Variants in MDGA2 observed in about 807,000 individuals in gnomAD.
MDGA2 encodes MAM domain-containing glycosylphosphatidylinositol anchor protein 2.
Under a neutral mutation model 117.8 loss-of-function variants are expected in MDGA2, and 40 were observed. The observed-to-expected ratio is 0.34, with a 90% CI of 0.26 to 0.44. MDGA2 has a LOEUF of 0.44. MDGA2 is among the 20% of genes least tolerant of loss of function. The pLI is 1.00. For synonymous variants in MDGA2, 452 were observed against 439.0 expected (o/e 1.03, Z -0.37); for missense variants, 1,123 against 1,250.6 (o/e 0.90, Z 1.54).
chr14:46,896,072 T>C (rs1191475276), intron 10 of MDGA2, among the ~76,000 whole-genome samples: 1 of 152,198 alleles, frequency 6.6e-6, no homozygotes, highest in Non-Finnish European at 1.5e-5. Context: ...TGGGTTAAAA[T>C]GTATAATGTC....
intron 6 of MDGA2, among the ~76,000 whole-genome samples, chr14:47,062,823 T>A (rs948770589): frequency 6.6e-6 from 1 of 152,096 alleles, no homozygotes; most frequent in Non-Finnish European, 1.5e-5. Context: ...ATAAATATAC[T>A]TTTAAGTCTT....
intron 1 of MDGA2, among the ~76,000 whole-genome samples, chr14:47,429,813 A>C (rs1892763275): frequency 1.3e-5 from 2 of 151,892 alleles, no homozygotes; most frequent in Non-Finnish European, 2.9e-5. Flanking sequence ...AGTAATACCA[A>C]GTAATTTCAT....
intron 3 of MDGA2, among the ~76,000 whole-genome samples, chr14:47,184,615 A>G (rs556187078): frequency 1.9e-4 from 29 of 151,904 alleles, no homozygotes; most frequent in Non-Finnish European, 3.5e-4. Flanking sequence ...TATATAGAAC[A>G]AATATTCTAT....
At chr14:47,339,272 C>T (rs184451888) in intron 1 of MDGA2, among the ~76,000 whole-genome samples, 123 of 152,014 alleles carry the variant, frequency 8.1e-4, no homozygotes, top group African/African-American at 2.9e-3. Flanking sequence ...ATTTTATTTG[C>T]AATTACAAAT....
chr14:46,899,885 A>G (rs1335764056), intron 10 of MDGA2, among the ~76,000 whole-genome samples: 1 of 152,098 alleles, frequency 6.6e-6, no homozygotes, highest in Non-Finnish European at 1.5e-5. Flanking sequence ...AGGCATCAGT[A>G]GAGTATCAGT....
At chr14:47,431,077 G>A (rs1033022957) in intron 1 of MDGA2, among the ~76,000 whole-genome samples, 2 of 151,950 alleles carry the variant, frequency 1.3e-5, no homozygotes, top group African/African-American at 4.8e-5. Flanking sequence ...GGTTAGCCCT[G>A]ACCATGTCAT....
At chr14:47,102,452 T>C (rs1225085479) in intron 5 of MDGA2, among the ~76,000 whole-genome samples, 4 of 151,452 alleles carry the variant, frequency 2.6e-5, no homozygotes, top group Non-Finnish European at 4.4e-5. Flanking sequence ...TAAACGCCAA[T>C]TTTAAAATGC....
chr14:46,958,139 T>C (rs1885638275), intron 8 of MDGA2, among the ~76,000 whole-genome samples: 1 of 152,264 alleles, frequency 6.6e-6, no homozygotes, highest in African/African-American at 2.4e-5. Flanking sequence ...AAATAAGAAG[T>C]GAATGACACT....
intron 2 of MDGA2, among the ~76,000 whole-genome samples, chr14:47,247,632 T>TTTATTATTATTATTA (rs71448183): frequency 0.012 from 1,707 of 146,106 alleles, 27 homozygotes; most frequent in African/African-American, 0.03. Flanking sequence ...TCAGTACATA[T>TTTATTATTATTATTA]TTATTATTAT....
intron 2 of MDGA2, among the ~76,000 whole-genome samples, chr14:47,259,878 A>C: frequency 6.6e-6 from 1 of 151,998 alleles, no homozygotes; most frequent in East Asian, 1.9e-4. Flanking sequence ...AAGGGAGAAG[A>C]CTCAATGTTG....
intron 5 of MDGA2, among the ~76,000 whole-genome samples, chr14:47,128,949 A>G (rs1169825375): frequency 6.6e-6 from 1 of 152,136 alleles, no homozygotes; most frequent in Non-Finnish European, 1.5e-5. Context: ...TCGGCCTCCC[A>G]AAGTGCTGGG....
At chr14:46,929,621 A>G (rs1162403007) in intron 9 of MDGA2, among the ~76,000 whole-genome samples, 732 of 23,510 alleles carry the variant, frequency 0.031, 47 homozygotes, top group African/African-American at 0.097. Context: ...ATATATATAT[A>G]TATATATATA....
chr14:47,094,976 C>A (rs1879878903), intron 6 of MDGA2, among the ~76,000 whole-genome samples: 1 of 151,934 alleles, frequency 6.6e-6, no homozygotes. Flanking sequence ...ATTGTGAATT[C>A]TTTGTTTTCT....
At chr14:47,284,612 C>A (rs143418899) in intron 2 of MDGA2, among the ~76,000 whole-genome samples, 22 of 152,152 alleles carry the variant, frequency 1.4e-4, no homozygotes, top group Non-Finnish European at 2.5e-4. Context: ...AGAAATGTCC[C>A]CAACCTGATT....
chr14:47,612,953 A>G lies in MDGA2; in HGVS notation c.280+61564T>C, dbSNP rs1418721012. ...CCCTTCCTCACCTCTCCAACACTTTAGCATCCTCTGGAGACCTACTGATAC... is the reference window on the plus strand; with the variant it reads ...CCCTTCCTCACCTCTCCAACACTTTGGCATCCTCTGGAGACCTACTGATAC... On this transcript the variant is annotated intron_variant, in intron 1 of 16. Transcript: ENST00000399232. 2.0e-5 allele frequency among the ~76,000 whole-genome samples: 3 copies of G among 152,180 alleles called. No homozygotes were observed. In the East Asian group the frequency reaches 5.8e-4, roughly 29 times the overall value.
intron 1 of MDGA2, among the ~76,000 whole-genome samples, chr14:47,340,036 A>G (rs983489134): frequency 2.6e-5 from 4 of 152,192 alleles, no homozygotes; most frequent in Non-Finnish European, 5.9e-5. Context: ...TAGATATATG[A>G]GTAAGAAATT....
chr14:47,367,700 A>C (rs953365042), intron 1 of MDGA2, among the ~76,000 whole-genome samples: 6 of 152,192 alleles, frequency 3.9e-5, no homozygotes, highest in Non-Finnish European at 5.9e-5. Flanking sequence ...CAAGAGCAAC[A>C]ATTACCAACA....
At chr14:47,528,250 C>T (rs1895014131) in intron 1 of MDGA2, among the ~76,000 whole-genome samples, 1 of 152,160 alleles carries the variant, frequency 6.6e-6, no homozygotes, top group Non-Finnish European at 1.5e-5. Context: ...ACCTCTGACC[C>T]ACCATGCTCT....
At chr14:47,289,377 ACT>A (rs1383225131) in intron 2 of MDGA2, among the ~76,000 whole-genome samples, 1 of 150,466 alleles carries the variant, frequency 6.6e-6, no homozygotes, top group Non-Finnish European at 1.5e-5. Context: ...CATAATACAG[ACT>A]CATATACTAG....
Sources: allele counts gnomAD v4.1 joint callset (sites outside exome capture counted in the v4.1 genomes callset), GRCh38; gene constraint gnomAD v4.1.1; transcripts MANE v1.5; gene names NCBI Gene and HGNC (gene_info 2026-07-23, HGNC 2026-07-21).